Variants in NLGN1 observed in about 807,000 individuals in gnomAD.
NLGN1 encodes neuroligin 1.
NLGN1 carries 12 observed loss-of-function variants against 65.5 expected under a neutral mutation model. That is an observed-to-expected ratio of 0.18 (90% confidence interval 0.12 to 0.30). NLGN1 has a LOEUF of 0.30. NLGN1 is among the 10% of genes least tolerant of loss of function. The pLI is 1.00. For synonymous variants in NLGN1, 350 were observed against 359.5 expected (o/e 0.97, Z 0.30); for missense variants, 750 against 1,007.1 (o/e 0.74, Z 3.46).
chr3:173,472,217 G>T (rs2148930839), intron 2 of NLGN1, among the ~76,000 whole-genome samples: 1 of 152,208 alleles, frequency 6.6e-6, no homozygotes, highest in East Asian at 1.9e-4. Flanking sequence ...TTCTTACCCT[G>T]CCCAGTGGTA....
intron 3 of NLGN1, among the ~76,000 whole-genome samples, chr3:173,803,852 T>C (rs975652910): frequency 6.6e-6 from 1 of 152,122 alleles, no homozygotes; most frequent in African/African-American, 2.4e-5. Context: ...AAAGATTTAA[T>C]TGAGGCAATA....
chr3:173,508,469 G>A (rs945777496), intron 2 of NLGN1, among the ~76,000 whole-genome samples: 4 of 152,130 alleles, frequency 2.6e-5, no homozygotes, highest in African/African-American at 9.7e-5. Context: ...GCTTTCCTGT[G>A]TAATCTTCGC....
At chr3:174,164,774 A>G (rs1727195040) in intron 4 of NLGN1, among the ~76,000 whole-genome samples, 1 of 152,042 alleles carries the variant, frequency 6.6e-6, no homozygotes, top group Non-Finnish European at 1.5e-5. Context: ...CTTATAGTAT[A>G]GTTTGAAGTT....
intron 4 of NLGN1, among the ~76,000 whole-genome samples, chr3:174,150,247 C>T (rs1724077292): frequency 6.6e-6 from 1 of 152,042 alleles, no homozygotes; most frequent in Admixed American, 6.6e-5. Flanking sequence ...ATACTGGCAC[C>T]TACAAAAAAT....
Position 174,103,540 on chromosome 3 carries a change from T to G in NLGN1, c.647-171775T>G, listed in dbSNP as rs373083210. Among the ~76,000 whole-genome samples, 5 of 152,214 alleles carry G rather than the reference T, an allele frequency of 3.3e-5. No homozygotes were observed. In the East Asian group the frequency reaches 7.7e-4, roughly 24 times the overall value. ...GGAGAATGGGTTTTTTATTGGCAAT[T>G]AAATGTTCTAGTGAACTGACAGGTA... On this transcript the variant is annotated intron_variant, in intron 4 of 6. Transcript: ENST00000457714.
intron 2 of NLGN1, among the ~76,000 whole-genome samples, chr3:173,570,868 T>G (rs1744534939): frequency 6.6e-6 from 1 of 152,146 alleles, no homozygotes; most frequent in African/African-American, 2.4e-5. Context: ...CAAGCTCAGC[T>G]ATTTTTTTGT....
chr3:173,636,308 A>C lies in NLGN1; in HGVS notation c.493+31217A>C, dbSNP rs9844336. Among the ~76,000 whole-genome samples, 1,168 of 152,148 alleles carry C rather than the reference A, an allele frequency of 7.7e-3. 20 individuals are homozygous for C. The highest frequency in any genetic ancestry group is 0.027 in the African/African-American group (1,121 of 41,502). On this transcript the variant is annotated intron_variant, in intron 3 of 6. Transcript: ENST00000457714. ...AGCCAAAAAAGAAAGGAAAAAAAAA[A>C]GCAATGTTTTTATCAACAGACGTTT...
chr3:174,015,788 A>AT lies in NLGN1; in HGVS notation c.646+207962dup, dbSNP rs113269506. 2.5e-3 allele frequency among the ~76,000 whole-genome samples: 379 copies of AT among 152,290 alleles called. 2 individuals are homozygous for AT. Among genetic ancestry groups the AT allele is most frequent in the African/African-American group, 8.7e-3 (363 of 41,570 alleles). On this transcript the variant is annotated intron_variant, in intron 4 of 6. Transcript: ENST00000457714. ...AATGAAAGTAGAATTAGATTCTCTG[A>AT]TTTTTTAACTAGTATTTTCAGCAAA...
chr3:173,968,687 C>CTTTTTTT lies in NLGN1; in HGVS notation c.646+160878_646+160884dup, dbSNP rs34662762. 8.2e-4 allele frequency among the ~76,000 whole-genome samples: 49 copies of CTTTTTTT among 59,478 alleles called. 6 individuals carry two copies. Among genetic ancestry groups the CTTTTTTT allele is most frequent in the African/African-American group, 3.4e-3 (47 of 13,736 alleles). The allele number at this position is 59,478 out of a possible 152,430, so 39.0% of individuals were successfully genotyped here. On this transcript the variant is annotated intron_variant, in intron 4 of 6. Transcript: ENST00000457714. Reference sequence around the variant, plus strand: ...ACACCCCACAATTACTGAAAATAATCTTTTTTTTTTTTTTTTTTTTTTTTT... The same window carrying CTTTTTTT: ...ACACCCCACAATTACTGAAAATAATCTTTTTTTTTTTTTTTTTTTTTTTTTTTTTTTT...
intron 3 of NLGN1, among the ~76,000 whole-genome samples, chr3:173,726,600 G>A (rs966726372): frequency 4.6e-5 from 7 of 152,046 alleles, no homozygotes; most frequent in Non-Finnish European, 8.8e-5. Flanking sequence ...TAAATGGCTT[G>A]TGGCCTGTCA....
chr3:173,877,867 A>G (rs1168033072), intron 4 of NLGN1, among the ~76,000 whole-genome samples: 1 of 152,178 alleles, frequency 6.6e-6, no homozygotes, highest in African/African-American at 2.4e-5. Context: ...ACCATTTTAT[A>G]GATGAGAAAA....
chr3:174,126,172 G>T (rs912510074), intron 4 of NLGN1, among the ~76,000 whole-genome samples: 1 of 152,058 alleles, frequency 6.6e-6, no homozygotes, highest in Non-Finnish European at 1.5e-5. Context: ...AACTGGATTT[G>T]CTGTATTGTC....
chr3:174,178,400 GC>G (rs1307308595), intron 4 of NLGN1, among the ~76,000 whole-genome samples: 1 of 152,110 alleles, frequency 6.6e-6, no homozygotes, highest in African/African-American at 2.4e-5. Flanking sequence ...AGATGAAAGT[GC>G]CCTGCTGCAA....
chr3:173,533,767 A>G (rs1737000835), intron 2 of NLGN1, among the ~76,000 whole-genome samples: 3 of 152,112 alleles, frequency 2.0e-5, no homozygotes, highest in African/African-American at 7.2e-5. Context: ...GCAGCTCTCG[A>G]GCTCAGAAGT....
At chr3:173,494,998 T>C (rs1729766959) in intron 2 of NLGN1, among the ~76,000 whole-genome samples, 1 of 151,828 alleles carries the variant, frequency 6.6e-6, no homozygotes. Context: ...CTAGATGCTT[T>C]GCATTTCCAT....
intron 3 of NLGN1, among the ~76,000 whole-genome samples, chr3:173,608,656 T>C (rs879601931): frequency 1.3e-5 from 2 of 151,850 alleles, no homozygotes; most frequent in African/African-American, 2.4e-5. Flanking sequence ...CTTAATTCTT[T>C]TTTACATTAG....
chr3:174,268,248 T>C (rs929476503), intron 4 of NLGN1, among the ~76,000 whole-genome samples: 1 of 152,160 alleles, frequency 6.6e-6, no homozygotes, highest in Non-Finnish European at 1.5e-5. Context: ...CACTTCTTTG[T>C]GAAAGCAGTT....
intron 5 of NLGN1, among the ~76,000 whole-genome samples, chr3:174,277,607 T>G (rs1255075981): frequency 6.6e-6 from 1 of 151,912 alleles, no homozygotes; most frequent in Non-Finnish European, 1.5e-5. Flanking sequence ...ATTTGTATCA[T>G]TTGCTCTAGC....
intron 3 of NLGN1, among the ~76,000 whole-genome samples, chr3:173,632,850 T>TG (rs1491237705): frequency 2.3e-4 from 3 of 13,096 alleles, no homozygotes; most frequent in East Asian, 2.5e-3. Flanking sequence ...TTTTTTTTTG[T>TG]TTTTTTTTTT....
Sources: allele counts gnomAD v4.1 joint callset (sites outside exome capture counted in the v4.1 genomes callset), GRCh38; gene constraint gnomAD v4.1.1; transcripts MANE v1.5; gene names NCBI Gene and HGNC (gene_info 2026-07-23, HGNC 2026-07-21).